Variants in FRMD4A observed in about 807,000 individuals in gnomAD.
FRMD4A encodes FERM domain-containing protein 4A.
Under a neutral mutation model 129.1 loss-of-function variants are expected in FRMD4A, and 29 were observed. The ratio of observed to expected loss-of-function variants is 0.22; its 90% CI spans 0.17 to 0.31. The LOEUF is 0.31. Ranked by LOEUF, FRMD4A falls within the 10% of genes least tolerant of loss-of-function variation. The pLI, the probability that FRMD4A is intolerant of heterozygous loss-of-function variation, is 1.00. For synonymous variants in FRMD4A, 634 were observed against 571.6 expected, an observed-to-expected ratio of 1.11 and a Z score of -1.56; for missense variants, 1,272 against 1,375.8, an observed-to-expected ratio of 0.92 and a Z score of 1.19.
intron 2 of FRMD4A, among the ~76,000 whole-genome samples, chr10:13,862,522 C>T (rs1235092038): frequency 6.6e-6 from 1 of 152,176 alleles, no homozygotes; most frequent in African/African-American, 2.4e-5. Flanking sequence ...TGTTAGTATC[C>T]ACCCTAGGTC....
At chr10:13,847,726 C>T (rs895711271) in intron 3 of FRMD4A, among the ~76,000 whole-genome samples, 4 of 152,188 alleles carry the variant, frequency 2.6e-5, no homozygotes, top group South Asian at 2.1e-4. Context: ...TTTTAGGAAA[C>T]GGAAGAACCA....
intron 2 of FRMD4A, among the ~76,000 whole-genome samples, chr10:14,090,343 G>A (rs1836589364): frequency 6.6e-6 from 1 of 152,228 alleles, no homozygotes; most frequent in African/African-American, 2.4e-5. Context: ...AGAGAAGTGG[G>A]AGGATGATTA....
At chr10:13,651,812 G>A in intron 24 of FRMD4A, 91 bp downstream of exon 24, 1 of 765,346 alleles carries the variant, frequency 1.3e-6, no homozygotes, top group South Asian at 1.4e-5. Flanking sequence ...GCATTCAGAT[G>A]TATCCTTGTG....
intron 2 of FRMD4A, among the ~76,000 whole-genome samples, chr10:14,252,963 A>G (rs1844489885): frequency 1.3e-5 from 2 of 152,294 alleles, no homozygotes; most frequent in South Asian, 4.1e-4. Context: ...TCATTCATTT[A>G]TATCAGTGTA....
intron 2 of FRMD4A, among the ~76,000 whole-genome samples, chr10:13,982,402 G>T (rs963385034): frequency 6.7e-6 from 1 of 149,850 alleles, no homozygotes; most frequent in Admixed American, 6.7e-5. Flanking sequence ...AGAATGACTT[G>T]AGCCCAGGAG....
intron 12 of FRMD4A, among the ~76,000 whole-genome samples, chr10:13,715,016 G>A (rs1038029532): frequency 6.6e-6 from 1 of 151,652 alleles, no homozygotes; most frequent in South Asian, 2.1e-4. Flanking sequence ...TCCAGCCTGG[G>A]CGACAGAGGA....
At chr10:14,233,919 A>G (rs1439399922) in intron 2 of FRMD4A, among the ~76,000 whole-genome samples, 1 of 152,248 alleles carries the variant, frequency 6.6e-6, no homozygotes, top group Non-Finnish European at 1.5e-5. Context: ...ATAATAAATC[A>G]ATGGGACACA....
intron 15 of FRMD4A, 74 bp from the exon 16 acceptor site, chr10:13,675,118 G>A (rs2134732883): frequency 7.2e-7 from 1 of 1,383,216 alleles, no homozygotes; most frequent in Non-Finnish European, 1.0e-6. Flanking sequence ...AATTTAACTG[G>A]AGCCCATGCT....
Position 13,734,233 on chromosome 10 carries a change from C to T in FRMD4A, c.759+3611G>A, listed in dbSNP as rs116831018. Among the ~76,000 whole-genome samples, 200 of 152,282 alleles carry T rather than the reference C, an allele frequency of 1.3e-3. 2 individuals are homozygous for T. The highest frequency in any genetic ancestry group is 4.5e-3 in the African/African-American group (188 of 41,554). ...GTTCCCCTTCTCCATCCTGAAGCCC[C>T]GCCAGGTGTTGCCCGCCCTACCCTC... On this transcript the variant is annotated intron_variant, in intron 12 of 24. Coordinates refer to ENST00000357447, the MANE Select transcript of FRMD4A (RefSeq NM_018027.5).
At chr10:14,129,729 T>C (rs1309819774) in intron 2 of FRMD4A, among the ~76,000 whole-genome samples, 5 of 152,150 alleles carry the variant, frequency 3.3e-5, no homozygotes, top group Non-Finnish European at 1.5e-5. Context: ...TATTCCTTCA[T>C]CTTTCAGGAC....
chr10:13,893,304 C>A (rs1404028828), intron 2 of FRMD4A, among the ~76,000 whole-genome samples: 2 of 152,022 alleles, frequency 1.3e-5, no homozygotes, highest in Non-Finnish European at 2.9e-5. Flanking sequence ...TGATCTGAAG[C>A]CAGGTTCGAA....
At chr10:14,150,263 G>T (rs558552290) in intron 2 of FRMD4A, among the ~76,000 whole-genome samples, 1 of 152,258 alleles carries the variant, frequency 6.6e-6, no homozygotes, top group South Asian at 2.1e-4. Flanking sequence ...CTAAAAGGAA[G>T]GAGACAAAAG....
At chr10:13,985,382 A>T (rs2095577419) in intron 2 of FRMD4A, among the ~76,000 whole-genome samples, 1 of 151,976 alleles carries the variant, frequency 6.6e-6, no homozygotes, top group East Asian at 1.9e-4. Flanking sequence ...CCTGCTGAGC[A>T]CCTCCCACTG....
intron 6 of FRMD4A, among the ~76,000 whole-genome samples, chr10:13,765,598 A>G (rs2092260485): frequency 6.6e-6 from 1 of 152,204 alleles, no homozygotes; most frequent in African/African-American, 2.4e-5. Flanking sequence ...AGTACGGGTT[A>G]AAAGAACTCA....
At chr10:13,987,482 T>C (rs995017752) in intron 2 of FRMD4A, among the ~76,000 whole-genome samples, 2 of 152,172 alleles carry the variant, frequency 1.3e-5, no homozygotes, top group African/African-American at 4.8e-5. Flanking sequence ...TACATTAAAG[T>C]CATTTCTTAA....
chr10:14,130,115 T>C (rs1403245515), intron 2 of FRMD4A, among the ~76,000 whole-genome samples: 2 of 152,238 alleles, frequency 1.3e-5, no homozygotes, highest in East Asian at 1.9e-4. Flanking sequence ...GTGATGTTCA[T>C]GGATGGAGGG....
intron 14 of FRMD4A, among the ~76,000 whole-genome samples, chr10:13,697,500 G>A (rs1002134065): frequency 2.0e-5 from 3 of 152,180 alleles, no homozygotes; most frequent in Non-Finnish European, 4.4e-5. Context: ...ACTCGGTGGG[G>A]AGAGGACCGG....
chr10:13,901,452 A>G (rs1273959086), intron 2 of FRMD4A, among the ~76,000 whole-genome samples: 3 of 152,088 alleles, frequency 2.0e-5, no homozygotes, highest in African/African-American at 7.2e-5. Flanking sequence ...TCTACAAAAA[A>G]TACAAAAATT....
chr10:14,025,858 G>A (rs558098834), intron 2 of FRMD4A, among the ~76,000 whole-genome samples: 66 of 152,180 alleles, frequency 4.3e-4, no homozygotes, highest in Non-Finnish European at 5.6e-4. Context: ...AGCCTGTGTC[G>A]GACTTTCTTC....
Sources: gnomAD v4.1 joint callset for allele counts (sites outside exome capture counted in the v4.1 genomes callset) on GRCh38, gnomAD v4.1.1 for gene constraint, MANE v1.5 for transcripts, NCBI Gene and HGNC (gene_info 2026-07-23, HGNC 2026-07-21) for gene names.